Variants in FMN1 observed in about 807,000 individuals in gnomAD.
The protein encoded by FMN1 is formin-1.
A neutral mutation model predicts 132.4 loss-of-function variants in FMN1; 110 were observed. The observed-to-expected ratio is 0.83, with a 90% CI of 0.71 to 0.97. The LOEUF is 0.97. FMN1 is among the 50% of genes least tolerant of loss of function. The probability of loss-of-function intolerance (pLI) is 0.00; values close to 1 mark genes in which losing one functional copy is unlikely to be tolerated. For missense variants in FMN1, 1,792 were observed against 1,705.3 expected (o/e 1.05, Z -0.90); for synonymous variants, 722 against 651.7 (o/e 1.11, Z -1.64).
At position 32,767,246 on chromosome 15, in the gene FMN1, A is replaced by G. The variant is rs1042145730; in HGVS notation, c.*7064T>C. 6.6e-6 allele frequency: 1 copy of G among 152,190 alleles called. No homozygotes were observed. Among genetic ancestry groups the G allele is most frequent in the Non-Finnish European group, 1.5e-5 (1 of 68,038 alleles). The allele number at this position is 152,190 out of a possible 1,614,324, so 9.4% of individuals were successfully genotyped here. A position where few individuals can be genotyped will look rare whatever the true frequency, so the allele number is the denominator to read the frequency against. On this transcript the variant is annotated 3_prime_UTR_variant, in exon 21 of 21. Transcript: ENST00000616417. ...TTTCTTGCTCATCCCATTGCTTGCAAACTCACAAGATACCAGTTATATGAA... is the reference window on the plus strand; with the variant it reads ...TTTCTTGCTCATCCCATTGCTTGCAGACTCACAAGATACCAGTTATATGAA...
Position 33,091,418 on chromosome 15 carries a change from T to C in FMN1, c.1868-2444A>G, listed in dbSNP as rs565323028. 8.5e-5 allele frequency among the ~76,000 whole-genome samples: 13 copies of C among 152,136 alleles called. No individual in the cohort carries two copies. In the South Asian group the frequency reaches 2.5e-3, roughly 30 times the overall value. On this transcript the variant is annotated intron_variant, in intron 4 of 20. Transcript: ENST00000616417. ...AAAAACAATGTCAAGGTGAAAGTTA[T>C]CTTCTTTCTGGAAATGGTTTTAGTT...
intron 12 of FMN1, 72 bp downstream of exon 12, chr15:32,908,418 G>A (rs1310872054): frequency 1.1e-5 from 11 of 984,500 alleles, no homozygotes; most frequent in African/African-American, 3.2e-5. Context: ...TGGTTATTCT[G>A]AGCTGGGAGA....
At chr15:33,114,900 TCTCTACG>T (rs2039855110) in intron 4 of FMN1, among the ~76,000 whole-genome samples, 2 of 146,626 alleles carry the variant, frequency 1.4e-5, no homozygotes, top group East Asian at 4.2e-4. Flanking sequence ...GATGCAAGCA[TCTCTACG>T]TTACTGTCCA....
At chr15:33,068,561 T>G (rs1035414842) in intron 5 of FMN1, among the ~76,000 whole-genome samples, 2 of 151,684 alleles carry the variant, frequency 1.3e-5, no homozygotes, top group African/African-American at 4.9e-5. Flanking sequence ...GGAAACAAAT[T>G]AAAGAAAGCA....
intron 17 of FMN1, among the ~76,000 whole-genome samples, chr15:32,838,395 T>C (rs1011772885): frequency 1.3e-5 from 2 of 152,176 alleles, no homozygotes; most frequent in African/African-American, 4.8e-5. Flanking sequence ...CCGATTTCTG[T>C]GCATCTCAAG....
At chr15:33,128,619 G>A (rs570965570) in intron 4 of FMN1, among the ~76,000 whole-genome samples, 17 of 152,294 alleles carry the variant, frequency 1.1e-4, no homozygotes, top group African/African-American at 1.7e-4. Context: ...GGACCTTTGC[G>A]GCAAGTGTTA....
At chr15:33,137,472 A>G (rs1459364632) in intron 4 of FMN1, among the ~76,000 whole-genome samples, 1 of 152,216 alleles carries the variant, frequency 6.6e-6, no homozygotes, top group African/African-American at 2.4e-5. Flanking sequence ...TATGATTCCA[A>G]ACTAATCCCA....
chr15:33,119,213 G>A (rs1265293505), intron 4 of FMN1, among the ~76,000 whole-genome samples: 1 of 152,112 alleles, frequency 6.6e-6, no homozygotes, highest in Admixed American at 6.5e-5. Flanking sequence ...CTCTCCACCT[G>A]CAACCCAGAG....
At chr15:32,956,372 T>TA (rs67741965) in intron 9 of FMN1, among the ~76,000 whole-genome samples, 122 of 151,034 alleles carry the variant, frequency 8.1e-4, no homozygotes, top group Admixed American at 2.6e-3. Flanking sequence ...TTTTTTTTTT[T>TA]AAAAAAATAA....
At chr15:33,112,352 C>CT (rs773178199) in intron 4 of FMN1, among the ~76,000 whole-genome samples, 2 of 152,064 alleles carry the variant, frequency 1.3e-5, no homozygotes, top group Non-Finnish European at 2.9e-5. Flanking sequence ...ACACCTATCT[C>CT]TATGAAGAGT....
intron 4 of FMN1, among the ~76,000 whole-genome samples, chr15:33,097,681 AAG>A (rs1161526272): frequency 6.6e-6 from 1 of 152,178 alleles, no homozygotes; most frequent in Non-Finnish European, 1.5e-5. Context: ...ATAATGATAA[AAG>A]AGTCACTTCA....
chr15:33,150,923 G>C (rs2140276075), intron 4 of FMN1: 2 of 1,025,794 alleles, frequency 1.9e-6, no homozygotes, highest in Admixed American at 1.0e-4. Flanking sequence ...CCCTCTTTCT[G>C]GACTGCTGGC....
At chr15:33,016,871 T>C (rs1007713329) in intron 6 of FMN1, among the ~76,000 whole-genome samples, 6 of 152,224 alleles carry the variant, frequency 3.9e-5, no homozygotes, top group Non-Finnish European at 5.9e-5. Flanking sequence ...AGCCCAGTAC[T>C]GTCTGTTGAA....
At chr15:32,907,416 C>T (rs2060453676) in intron 12 of FMN1, among the ~76,000 whole-genome samples, 2 of 152,102 alleles carry the variant, frequency 1.3e-5, no homozygotes, top group South Asian at 4.1e-4. Context: ...CTATGAGAAT[C>T]TGATGCTGCT....
intron 6 of FMN1, among the ~76,000 whole-genome samples, chr15:33,010,135 C>T (rs905547700): frequency 2.6e-5 from 4 of 152,158 alleles, no homozygotes; most frequent in African/African-American, 4.8e-5. Flanking sequence ...TCACCCCCCT[C>T]GGCTTCTCAA....
intron 10 of FMN1, among the ~76,000 whole-genome samples, chr15:32,918,107 T>TAA (rs914678090): frequency 1.3e-5 from 2 of 149,264 alleles, no homozygotes; most frequent in Non-Finnish European, 3.0e-5. Context: ...AGAATTTCTT[T>TAA]AAAAAAAAAA....
intron 4 of FMN1, among the ~76,000 whole-genome samples, chr15:33,089,342 C>G (rs553852098): frequency 6.6e-6 from 1 of 152,312 alleles, no homozygotes; most frequent in African/African-American, 2.4e-5. Flanking sequence ...GTCATCTGAG[C>G]CAAGTCACTA....
At chr15:32,811,696 GCT>G (rs1234641948) in intron 17 of FMN1, among the ~76,000 whole-genome samples, 2 of 148,658 alleles carry the variant, frequency 1.3e-5, no homozygotes, top group African/African-American at 5.0e-5. Context: ...ACGGAGTCTC[GCT>G]CTGTCACTCA....
chr15:32,847,577 G>A (rs377663674), intron 17 of FMN1, among the ~76,000 whole-genome samples: 5 of 152,068 alleles, frequency 3.3e-5, no homozygotes, highest in Admixed American at 2.6e-4. Context: ...AGTTAAGGCC[G>A]GGCGTGGTGG....
Sources: allele counts gnomAD v4.1 joint callset (sites outside exome capture counted in the v4.1 genomes callset), GRCh38; gene constraint gnomAD v4.1.1; transcripts MANE v1.5; gene names NCBI Gene and HGNC (gene_info 2026-07-23, HGNC 2026-07-21).